The following SLC34A2 variants were observed in gnomAD, a reference collection of about 807,000 sequenced individuals.
SLC34A2 encodes the protein sodium-dependent phosphate transport protein 2B.
In SLC34A2, 41 loss-of-function variants were observed where a neutral mutation model predicts 50.8. The ratio of observed to expected loss-of-function variants is 0.81; its 90% CI spans 0.63 to 1.05. The LOEUF (loss-of-function observed/expected upper bound fraction) is 1.05. Ranked by LOEUF, SLC34A2 falls within the 50% of genes least tolerant of loss-of-function variation. SLC34A2 has a pLI of 0.00. For synonymous variants in SLC34A2, 401 were observed against 364.2 expected (o/e 1.10, Z -1.15); for missense variants, 879 against 876.7 (o/e 1.00, Z -0.03).
chr4:25,674,996 T>G (rs971695000), intron 12 of SLC34A2, among the ~76,000 whole-genome samples: 9 of 152,324 alleles, frequency 5.9e-5, no homozygotes, highest in African/African-American at 2.2e-4. Context: ...TATGTTACTT[T>G]GTGCAAGACC....
At chr4:25,674,783 C>G (rs534989151) in intron 12 of SLC34A2, among the ~76,000 whole-genome samples, 154 bp downstream of exon 12, 1 of 152,304 alleles carries the variant, frequency 6.6e-6, no homozygotes, top group East Asian at 1.9e-4. Flanking sequence ...TTTTCAGGAC[C>G]TTGATATGAG....
In SLC34A2 at chr4:25,670,967, T is replaced by C. The variant is rs565303924; in HGVS notation, c.927+134T>C. 3.7e-4 allele frequency: 280 copies of C among 752,538 alleles called. 2 individuals carry two copies. The South Asian group carries it at 4.1e-3, about 11-fold the overall frequency. 46.6% of individuals were successfully genotyped at this position (752,538 alleles called of 1,614,324 possible). ...TTGGGAGTCCCTGAAAAATCAAAAGTGACCAGTGAATGCCTTTAGAAAACA... is the reference window on the plus strand; with the variant it reads ...TTGGGAGTCCCTGAAAAATCAAAAGCGACCAGTGAATGCCTTTAGAAAACA... On this transcript the variant is annotated intron_variant, in intron 8 of 12. Coordinates refer to ENST00000382051, the MANE Select transcript of SLC34A2 (RefSeq NM_006424.3).
In SLC34A2 at chr4:25,676,470, C is replaced by T. The variant is rs1295330449; in HGVS notation, c.1794C>T (p.Arg598=). 1 of 1,614,204 alleles carries T rather than the reference C, an allele frequency of 6.2e-7. No homozygotes were observed. Among genetic ancestry groups the T allele is most frequent in the South Asian group, 1.1e-5 (1 of 91,084 alleles). The change falls in exon 13 of 13, where the codon CGC becomes CGT. Residue 598 remains arginine, a synonymous_variant. Coordinates refer to ENST00000382051, the MANE Select transcript of SLC34A2 (RefSeq NM_006424.3). Reference sequence around the variant, plus strand: ...GGAACTTCCTGCCGCTGTGGATGCGCTCGCTGAAGCCCTGGGATGCCGTCG... The same window carrying T: ...GGAACTTCCTGCCGCTGTGGATGCGTTCGCTGAAGCCCTGGGATGCCGTCG... ...QNWNFLPLWM[R]SLKPWDAVVS... is the part of the protein sequence containing the mutation.
chr4:25,674,513 G>T lies in SLC34A2; in HGVS notation c.1342G>T (p.Val448Leu). ...TTTTGTGTTTCCCCCAGGAATCGGC[G>T]TGATAACCATTGAGAGGGCTTATCC... is the stretch of plus-strand genomic sequence containing the variant. Reference protein sequence around the residue: ...SALTPLIGIGVITIERAYPLT... With the variant: ...SALTPLIGIGLITIERAYPLT... The change falls in exon 12 of 13, where the codon GTG (valine) becomes TTG (leucine). Residue 448 changes from valine (V) to leucine (L), a missense_variant. Transcript: ENST00000382051. 6.2e-7 allele frequency: 1 copy of T among 1,614,196 alleles called. No individual in the cohort carries two copies. The highest frequency in any genetic ancestry group is 2.2e-5 in the East Asian group (1 of 44,874).
At chr4:25,656,953 A>G (rs2109043694) in intron 1 of SLC34A2, among the ~76,000 whole-genome samples, 1 of 152,228 alleles carries the variant, frequency 6.6e-6, no homozygotes, top group Admixed American at 6.5e-5. Flanking sequence ...ATTCTTGGAA[A>G]ACTGTGCTTG....
At chr4:25,660,159 CA>C (rs1218530118) in intron 1 of SLC34A2, among the ~76,000 whole-genome samples, 4 of 152,204 alleles carry the variant, frequency 2.6e-5, no homozygotes, top group African/African-American at 9.6e-5. Context: ...ATATGCCCGG[CA>C]GGGCTCAAGA....
intron 9 of SLC34A2, among the ~76,000 whole-genome samples, chr4:25,672,589 T>A (rs954102395): frequency 2.0e-5 from 3 of 152,188 alleles, no homozygotes; most frequent in African/African-American, 7.2e-5. Flanking sequence ...ACTCTAGGTA[T>A]GATTACCCCA....
At chr4:25,666,654 G>A (rs1714517467) in intron 5 of SLC34A2, among the ~76,000 whole-genome samples, 1 of 152,188 alleles carries the variant, frequency 6.6e-6, no homozygotes, top group African/African-American at 2.4e-5. Context: ...GCCACATGTG[G>A]CTGGCTGGCA....
chr4:25,659,482 T>C (rs1714068485), intron 1 of SLC34A2, among the ~76,000 whole-genome samples: 1 of 152,010 alleles, frequency 6.6e-6, no homozygotes. Context: ...CATGACACAG[T>C]GCATTTCCAC....
At chr4:25,671,863 G>A in intron 9 of SLC34A2, 142 bp downstream of exon 9, 2 of 1,176,288 alleles carry the variant, frequency 1.7e-6, no homozygotes, top group Non-Finnish European at 2.5e-6. Context: ...TGAGCAACAT[G>A]CTTTCACAGC....
rs757866832 is a variant in SLC34A2, at chr4:25,676,525, C to CGCT, written c.1864_1866dup (p.Cys622dup). 7.4e-6 allele frequency: 12 copies of CGCT among 1,613,560 alleles called. No individual in the cohort carries two copies. Among genetic ancestry groups the CGCT allele is most frequent in the Middle Eastern group, 1.6e-4 (1 of 6,084 alleles). On this transcript the variant is annotated inframe_insertion, in exon 13 of 13. Transcript: ENST00000382051. ...CAAGTTCACCGGCTGCTTCCAGATG[C>CGCT]GCTGCTGCTGCTGCTGCCGCGTGTG...
intron 10 of SLC34A2, 141 bp downstream of exon 10, chr4:25,673,395 T>C: frequency 1.1e-6 from 1 of 887,738 alleles, no homozygotes; most frequent in Non-Finnish European, 1.8e-6. Context: ...GAGGATGTCA[T>C]TCACCTGGAA....
intron 5 of SLC34A2, among the ~76,000 whole-genome samples, chr4:25,666,720 T>C (rs1267911212): frequency 2.6e-5 from 4 of 152,190 alleles, no homozygotes; most frequent in African/African-American, 9.7e-5. Flanking sequence ...AGAAAGTTAG[T>C]TCTCTGGGAC....
In SLC34A2 at chr4:25,662,854, G is replaced by A; in HGVS notation, c.250+12G>A. ...GATCAAGTGGTCAGGTAAAAGTGAG[G>A]CCAGCTGAGACATTCAGGAGGGAAA... On this transcript the variant is annotated intron_variant, in intron 3 of 12. Coordinates refer to ENST00000382051, the MANE Select transcript of SLC34A2 (RefSeq NM_006424.3). 6.2e-7 allele frequency: 1 copy of A among 1,613,892 alleles called. No homozygotes were observed. Among genetic ancestry groups the A allele is most frequent in the Non-Finnish European group, 8.5e-7 (1 of 1,179,882 alleles).
At chr4:25,656,666 T>C (rs1240541201) in intron 1 of SLC34A2, 2 of 152,336 alleles carry the variant, frequency 1.3e-5, no homozygotes, top group Non-Finnish European at 2.9e-5. Context: ...CTGCATGGCA[T>C]GGAGTTAGTT....
rs759098415 is a variant in SLC34A2, at chr4:25,667,956, G to A, written c.600G>A (p.Ala200=). The A allele has an allele frequency of 6.1e-5, 99 of 1,613,554 alleles. 1 individual carries two copies. The highest frequency in any genetic ancestry group is 4.8e-4 in the South Asian group (44 of 91,072). The part of the protein sequence containing the change: ...IGTSITNTIV[A]LMQVGDRSEF... ...CGTCAATCACCAACACTATTGTTGCGCTCATGCAGGTGGGAGATCGGAGTG... is the reference window on the plus strand; with the variant it reads ...CGTCAATCACCAACACTATTGTTGCACTCATGCAGGTGGGAGATCGGAGTG... The change falls in exon 6 of 13, where the codon GCG becomes GCA. Residue 200 remains alanine (A), a synonymous_variant. Transcript: ENST00000382051.
chr4:25,664,065 T>G lies in SLC34A2; in HGVS notation c.251-137T>G, dbSNP rs1577492943. 3 of 846,812 alleles carry G rather than the reference T, an allele frequency of 3.5e-6. No homozygotes were observed. The East Asian group carries it at 7.3e-5, about 21-fold the overall frequency. 52.5% of individuals were successfully genotyped at this position (846,812 alleles called of 1,614,324 possible). On this transcript the variant is annotated intron_variant, in intron 3 of 12. Coordinates refer to ENST00000382051, the MANE Select transcript of SLC34A2 (RefSeq NM_006424.3). ...TCCCATCTGTAAGGCTGGCTAGACATAAGAACTTAACGGCTGCCAGGCTGG... is the reference window on the plus strand; with the variant it reads ...TCCCATCTGTAAGGCTGGCTAGACAGAAGAACTTAACGGCTGCCAGGCTGG...
chr4:25,677,043 C>A lies in SLC34A2; in HGVS notation c.*294C>A. 2.3e-6 allele frequency: 1 copy of A among 438,344 alleles called. No homozygotes were observed. The highest frequency in any genetic ancestry group is 3.4e-5 in the Admixed American group (1 of 29,204). The allele number at this position is 438,344 out of a possible 1,614,324, so 27.2% of individuals were successfully genotyped here. A position where few individuals can be genotyped will look rare whatever the true frequency, so the allele number is the denominator to read the frequency against. On this transcript the variant is annotated 3_prime_UTR_variant, in exon 13 of 13. Coordinates refer to ENST00000382051, the MANE Select transcript of SLC34A2 (RefSeq NM_006424.3). Reference sequence around the variant, plus strand: ...GACGGATGTCTAATCCTGCGCCTAGCTGGGTTGGTCAGTAGAACCTATTTT... The same window carrying A: ...GACGGATGTCTAATCCTGCGCCTAGATGGGTTGGTCAGTAGAACCTATTTT...
Position 25,676,207 on chromosome 4 carries a change from C to T in SLC34A2, c.1531C>T (p.Pro511Ser). The change falls in exon 13 of 13, where the codon CCC becomes TCC. Residue 511 changes from proline to serine, a missense_variant. By Grantham distance (74) the Pro-to-Ser change is moderately conservative. Transcript: ENST00000382051. ...GTACCCGATCCCGTTCACTCGCCTG[C>T]CCATCCGCATGGCCAAGGGGCTGGG... ...LWYPIPFTRL[P>S]IRMAKGLGNI... 3.7e-6 allele frequency: 6 copies of T among 1,614,228 alleles called. No homozygotes were observed. The highest frequency in any genetic ancestry group is 5.1e-6 in the Non-Finnish European group (6 of 1,180,038).
Sources: allele counts gnomAD v4.1 joint callset (sites outside exome capture counted in the v4.1 genomes callset), GRCh38; gene constraint gnomAD v4.1.1; transcripts MANE v1.5; gene names NCBI Gene and HGNC (gene_info 2026-07-23, HGNC 2026-07-21).